The following STK33 variants were observed in gnomAD, a reference collection of about 807,000 sequenced individuals.
The protein encoded by STK33 is serine/threonine kinase 33.
STK33 carries 52 observed loss-of-function variants against 58.0 expected under a neutral mutation model. That is an observed-to-expected ratio of 0.90 (90% confidence interval 0.72 to 1.13). The LOEUF (loss-of-function observed/expected upper bound fraction) is 1.13. Among genes scored for constraint, STK33 ranks in the 50% most tolerant of loss-of-function variants. The probability of loss-of-function intolerance (pLI) is 0.00; values close to 1 mark genes in which losing one functional copy is unlikely to be tolerated. For synonymous variants in STK33, 215 were observed against 200.1 expected, an observed-to-expected ratio of 1.07 and a Z score of -0.63; for missense variants, 630 against 604.2, an observed-to-expected ratio of 1.04 and a Z score of -0.45.
intron 14 of STK33, among the ~76,000 whole-genome samples, chr11:8,432,075 C>G (rs1001130666): frequency 6.6e-6 from 1 of 152,188 alleles, no homozygotes; most frequent in African/African-American, 2.4e-5. Flanking sequence ...TTATACCTAG[C>G]ACCTAGTACC....
At chr11:8,522,747 C>CCTCCCT (rs1184770329) in intron 1 of STK33, among the ~76,000 whole-genome samples, 1 of 151,798 alleles carries the variant, frequency 6.6e-6, no homozygotes, top group Non-Finnish European at 1.5e-5. Flanking sequence ...GGGAAAAAGC[C>CCTCCCT]CTCCCTCTCC....
intron 1 of STK33, among the ~76,000 whole-genome samples, chr11:8,516,151 G>T (rs1952762277): frequency 6.6e-6 from 1 of 152,126 alleles, no homozygotes; most frequent in South Asian, 2.1e-4. Context: ...TTCCTGATTT[G>T]GAAATATATT....
At chr11:8,582,794 G>C (rs4132009) in intron 1 of STK33, among the ~76,000 whole-genome samples, 70 of 152,246 alleles carry the variant, frequency 4.6e-4, no homozygotes, top group African/African-American at 1.6e-3. Context: ...CTGGGCTATG[G>C]TATGTTCAGA....
chr11:8,585,647 C>T (rs1439867669), intron 1 of STK33, among the ~76,000 whole-genome samples: 3 of 152,152 alleles, frequency 2.0e-5, no homozygotes, highest in East Asian at 3.9e-4. Context: ...TGGTGGCTCA[C>T]GCCTGTATTC....
At chr11:8,484,144 A>AAC (rs1350899339) in intron 1 of STK33, among the ~76,000 whole-genome samples, 2 of 152,176 alleles carry the variant, frequency 1.3e-5, no homozygotes, top group African/African-American at 4.8e-5. Context: ...CTGTCAGACC[A>AAC]ACACTCAAAT....
At chr11:8,422,518 GT>G (rs1406997360) in intron 14 of STK33, among the ~76,000 whole-genome samples, 1 of 152,106 alleles carries the variant, frequency 6.6e-6, no homozygotes, top group Non-Finnish European at 1.5e-5. Context: ...TAGAAGAAGA[GT>G]TATAAGTTTA....
At chr11:8,423,000 C>CTATGTCCTGAATGGTATTG in intron 14 of STK33, among the ~76,000 whole-genome samples, 1 of 149,802 alleles carries the variant, frequency 6.7e-6, no homozygotes, top group Non-Finnish European at 1.5e-5. Context: ...GCCACCATGC[C>CTATGTCCTGAATGGTATTG]CGGCTGATTT....
chr11:8,360,996 G>A, the STK33 span, among the ~76,000 whole-genome samples: 2 of 152,198 alleles, frequency 1.3e-5, no homozygotes, highest in African/African-American at 4.8e-5. Context: ...GCGTTGCATT[G>A]AAAAATAGGG....
At position 8,474,713 on chromosome 11, in the gene STK33, T is replaced by A; in HGVS notation, c.193A>T (p.Ile65Phe). 1 of 1,611,936 alleles carries A rather than the reference T, an allele frequency of 6.2e-7. No individual in the cohort carries two copies. The highest frequency in any genetic ancestry group is 8.5e-7 in the Non-Finnish European group (1 of 1,179,402). ...TTCCTGGAGGTTATATCTCTGTTGA[T>A]ATTTTTTTCTTTTTTTCTCTCCAGT... ...ISLERKKEKN[I>F]NRDITSRKDL... is the part of the protein sequence containing the mutation. The change falls in exon 5 of 16, where the codon ATC becomes TTC. Residue 65 changes from isoleucine (I) to phenylalanine (F), a missense_variant. By Grantham distance (21) the Ile-to-Phe change is conservative. Transcript: ENST00000687296.
intron 1 of STK33, among the ~76,000 whole-genome samples, chr11:8,515,255 A>G (rs1952672901): frequency 6.6e-6 from 1 of 152,220 alleles, no homozygotes; most frequent in Admixed American, 6.5e-5. Flanking sequence ...TACAGAAATA[A>G]AAAGAATCAT....
At position 8,401,841 on chromosome 11, in the gene STK33, C is replaced by T. The variant is rs563309635; in HGVS notation, c.1345-9131G>A. On this transcript the variant is annotated intron_variant, in intron 15 of 15. Coordinates refer to ENST00000687296, the MANE Select transcript of STK33 (RefSeq NM_001352389.2). ...GACACTTCTCAAAAGAAGACATTTA[C>T]GCAGCCAAAAGACACGTGAAAAAAT... is the stretch of plus-strand genomic sequence containing the variant. Among the ~76,000 whole-genome samples the T allele has an allele frequency of 2.4e-4, 36 of 151,934 alleles. No individual in the cohort carries two copies. The Middle Eastern group carries it at 0.027, about 116-fold the overall frequency.
chr11:8,560,983 A>G (rs1957078237), intron 1 of STK33, among the ~76,000 whole-genome samples: 1 of 152,150 alleles, frequency 6.6e-6, no homozygotes, highest in Admixed American at 6.6e-5. Flanking sequence ...CTCTTTTACA[A>G]ACCTCTACCT....
At chr11:8,401,750 T>C (rs1039972912) in intron 15 of STK33, among the ~76,000 whole-genome samples, 7 of 152,094 alleles carry the variant, frequency 4.6e-5, no homozygotes, top group African/African-American at 1.7e-4. Context: ...CCAGAATCTA[T>C]AATGAATTCA....
chr11:8,496,720 G>A (rs1951085990), intron 1 of STK33, among the ~76,000 whole-genome samples: 3 of 151,722 alleles, frequency 2.0e-5, no homozygotes, highest in Admixed American at 1.3e-4. Flanking sequence ...GACTACAGGT[G>A]CCCACCACCA....
intron 1 of STK33, among the ~76,000 whole-genome samples, chr11:8,536,971 G>T (rs913540765): frequency 1.9e-3 from 76 of 40,908 alleles, no homozygotes; most frequent in East Asian, 5.4e-3. Context: ...AAAAAAAAAA[G>T]ATTTTTTTTT....
At chr11:8,534,838 T>G (rs1407808062) in intron 1 of STK33, among the ~76,000 whole-genome samples, 1 of 152,126 alleles carries the variant, frequency 6.6e-6, no homozygotes, top group East Asian at 1.9e-4. Flanking sequence ...TGTATCCCTA[T>G]AAAGTCCTAT....
At chr11:8,541,147 C>T (rs538330668) in intron 1 of STK33, among the ~76,000 whole-genome samples, 1 of 151,978 alleles carries the variant, frequency 6.6e-6, no homozygotes, top group South Asian at 2.1e-4. Context: ...GATGTTATGC[C>T]TTTAAAATAT....
chr11:8,464,553 G>A (rs568246488), intron 7 of STK33, among the ~76,000 whole-genome samples, 156 bp downstream of exon 7: 1 of 152,090 alleles, frequency 6.6e-6, no homozygotes, highest in African/African-American at 2.4e-5. Flanking sequence ...GTCCCTTTCC[G>A]GGAGGCTAGA....
intron 1 of STK33, chr11:8,554,973 G>A (rs1031847902): frequency 6.6e-6 from 1 of 152,156 alleles, no homozygotes; most frequent in African/African-American, 2.4e-5. Context: ...AAGCCTGGGG[G>A]ACATTATGTT....
Sources: allele counts gnomAD v4.1 joint callset (sites outside exome capture counted in the v4.1 genomes callset), GRCh38; gene constraint gnomAD v4.1.1; transcripts MANE v1.5; gene names NCBI Gene and HGNC (gene_info 2026-07-23, HGNC 2026-07-21).